Variants in SHANK2 observed in about 807,000 individuals in gnomAD.
SHANK2 encodes the protein SH3 and multiple ankyrin repeat domains protein 2.
Under a neutral mutation model 133.7 loss-of-function variants are expected in SHANK2, and 43 were observed. The observed-to-expected ratio is 0.32, with a 90% confidence interval of 0.25 to 0.41. The LOEUF is 0.41. SHANK2 is among the 10% of genes least tolerant of loss of function. The probability of loss-of-function intolerance (pLI) is 1.00; values close to 1 mark genes in which losing one functional copy is unlikely to be tolerated. For synonymous variants in SHANK2, 1,017 were observed against 952.8 expected, an observed-to-expected ratio of 1.07 and a Z score of -1.24; for missense variants, 1,994 against 2,235.8, an observed-to-expected ratio of 0.89 and a Z score of 2.18.
At chr11:70,919,120 C>A (rs1455541812) in intron 10 of SHANK2, among the ~76,000 whole-genome samples, 1 of 152,094 alleles carries the variant, frequency 6.6e-6, no homozygotes. Context: ...GCCGTGATCA[C>A]CCCACTATAC....
At chr11:71,218,167 AT>A (rs1306796195) in intron 2 of SHANK2, among the ~76,000 whole-genome samples, 1 of 151,648 alleles carries the variant, frequency 6.6e-6, no homozygotes, top group African/African-American at 2.4e-5. Context: ...GCCAAGAGGT[AT>A]TTTTTTAAAA....
intron 15 of SHANK2, chr11:70,662,121 C>T (rs1555013633): frequency 5.2e-6 from 2 of 381,844 alleles, no homozygotes; most frequent in Admixed American, 4.0e-5. Flanking sequence ...ACGCATCTTC[C>T]AGGGAAGCCC....
chr11:70,568,969 G>A (rs117209425), intron 17 of SHANK2, among the ~76,000 whole-genome samples: 2,111 of 152,260 alleles, frequency 0.014, 24 homozygotes, highest in Non-Finnish European at 0.023. Context: ...CAGCATCCAC[G>A]TCCGAGGGAC....
chr11:70,790,655 G>C (rs1947768253), intron 14 of SHANK2, among the ~76,000 whole-genome samples: 1 of 152,176 alleles, frequency 6.6e-6, no homozygotes. Flanking sequence ...GATCGGGTGA[G>C]CCAAGTCCTT....
intron 1 of SHANK2, among the ~76,000 whole-genome samples, chr11:71,244,644 T>C (rs782771040): frequency 1.3e-5 from 2 of 152,214 alleles, no homozygotes; most frequent in Non-Finnish European, 2.9e-5. Context: ...CTGTCTTCCA[T>C]TAAACCTCAC....
chr11:71,070,020 G>A (rs1951122784), intron 9 of SHANK2, among the ~76,000 whole-genome samples: 1 of 151,590 alleles, frequency 6.6e-6, no homozygotes, highest in Non-Finnish European at 1.5e-5. Flanking sequence ...ATAGCAAGGT[G>A]TTCAAATGGT....
intron 14 of SHANK2, among the ~76,000 whole-genome samples, chr11:70,795,954 C>A (rs79329988): frequency 6.6e-6 from 1 of 152,184 alleles, no homozygotes; most frequent in African/African-American, 2.4e-5. Flanking sequence ...GTAGAAAATA[C>A]GGTTTTATCA....
At chr11:70,526,186 G>A (rs1554972080) in intron 17 of SHANK2, among the ~76,000 whole-genome samples, 1 of 152,212 alleles carries the variant, frequency 6.6e-6, no homozygotes, top group African/African-American at 2.4e-5. Flanking sequence ...GCCGCCACAA[G>A]GCTTTTCTGA....
chr11:70,822,550 GT>G (rs1948546830), intron 11 of SHANK2, among the ~76,000 whole-genome samples: 1 of 151,350 alleles, frequency 6.6e-6, no homozygotes, highest in African/African-American at 2.4e-5. Context: ...CGCTGGAAGA[GT>G]TCACGGGGGA....
In SHANK2 at chr11:71,188,097, C is replaced by T. The variant is rs1953712511; in HGVS notation, c.-13+36600G>A. On this transcript the variant is annotated intron_variant, in intron 2 of 25. Transcript: ENST00000601538. The surrounding 1 kb of genome is among the most constrained non-coding windows in gnomAD (Gnocchi z 4.6). ...CCACACAGTCCTTGCCACCACACATCTGCTCCTCCCATTAGAAACTGAGAC... is the reference window on the plus strand; with the variant it reads ...CCACACAGTCCTTGCCACCACACATTTGCTCCTCCCATTAGAAACTGAGAC... Among the ~76,000 whole-genome samples, 1 of 152,188 alleles carries T rather than the reference C, an allele frequency of 6.6e-6. No homozygotes were observed. The highest frequency in any genetic ancestry group is 2.1e-4 in the South Asian group (1 of 4,830).
At chr11:70,490,147 GGCAGGGCCTTGCTGGGGTGGGAC>G (rs1157706880) in intron 23 of SHANK2, 106 bp downstream of exon 23, 1 of 756,168 alleles carries the variant, frequency 1.3e-6, no homozygotes, top group Non-Finnish European at 2.3e-6. Context: ...TGGGTGGGCT[GGCAGGGCCTTGCTGGGGTGGGAC>G]GCCAAGGCAA....
chr11:70,680,037 C>G (rs977257007), intron 15 of SHANK2, among the ~76,000 whole-genome samples: 3 of 152,178 alleles, frequency 2.0e-5, no homozygotes, highest in African/African-American at 7.2e-5. Context: ...TCTGCACAGT[C>G]TGAGAGAGGC....
At chr11:71,208,596 C>T (rs993998326) in intron 2 of SHANK2, among the ~76,000 whole-genome samples, 2 of 151,968 alleles carry the variant, frequency 1.3e-5, no homozygotes, top group Admixed American at 1.3e-4. Flanking sequence ...CAAGGGAGCT[C>T]CCAGGATAGA....
chr11:70,635,664 C>T (rs1294730058), intron 17 of SHANK2, among the ~76,000 whole-genome samples: 6 of 151,930 alleles, frequency 3.9e-5, no homozygotes, highest in African/African-American at 1.5e-4. Flanking sequence ...TACTTAATGC[C>T]ACTGAAATGT....
chr11:70,873,326 G>T (rs1044526454), intron 11 of SHANK2, among the ~76,000 whole-genome samples: 1 of 152,270 alleles, frequency 6.6e-6, no homozygotes, highest in Non-Finnish European at 1.5e-5. Context: ...GTCGAGACTT[G>T]CAGGGCTTCC....
rs1267773959 is a variant in SHANK2, at chr11:70,535,604, A to C, written c.2062-32673T>G. Among the ~76,000 whole-genome samples, 1 of 152,216 alleles carries C rather than the reference A, an allele frequency of 6.6e-6. No homozygotes were observed. The highest frequency in any genetic ancestry group is 2.4e-5 in the African/African-American group (1 of 41,458). On this transcript the variant is annotated intron_variant, in intron 17 of 25. Transcript: ENST00000601538. This position sits in a 1 kb window ranked among gnomAD's most constrained non-coding sequence, Gnocchi z 4.3. ...TCTGCTGGTGCATCTCATGTCTGTC[A>C]GGTTGCCTCTGTGAGGTCAAGTGTT...
At chr11:70,784,337 C>T (rs1304946560) in intron 14 of SHANK2, among the ~76,000 whole-genome samples, 4 of 116,794 alleles carry the variant, frequency 3.4e-5, no homozygotes, top group Middle Eastern at 4.2e-3. Context: ...GCCACCACAC[C>T]GGCTAGTTTT....
chr11:70,671,196 G>A (rs1281704073), intron 15 of SHANK2, among the ~76,000 whole-genome samples: 1 of 152,200 alleles, frequency 6.6e-6, no homozygotes, highest in Non-Finnish European at 1.5e-5. Context: ...TGGCGGAGGA[G>A]ACAGATACGG....
chr11:71,168,126 G>T, intron 2 of SHANK2, among the ~76,000 whole-genome samples: 1 of 139,308 alleles, frequency 7.2e-6, no homozygotes, highest in East Asian at 2.0e-4. Context: ...TTGCCAGGCA[G>T]AGGGTCTCCT....
Sources: gnomAD v4.1 joint callset for allele counts (sites outside exome capture counted in the v4.1 genomes callset) on GRCh38, gnomAD v4.1.1 for gene constraint, Gnocchi (gnomAD v3.1) non-coding constraint, MANE v1.5 for transcripts, NCBI Gene and HGNC (gene_info 2026-07-23, HGNC 2026-07-21) for gene names.